Variants in LINGO2 observed in about 807,000 individuals in gnomAD.
The protein encoded by LINGO2 is leucine-rich repeat and immunoglobulin-like domain-containing nogo receptor-interacting protein 2.
Under a neutral mutation model 30.6 loss-of-function variants are expected in LINGO2, and 14 were observed. The observed-to-expected ratio is 0.46, with a 90% CI of 0.30 to 0.72. The LOEUF is 0.72. Among genes scored for constraint, LINGO2 ranks in the 30% least tolerant of loss-of-function variants. The probability of loss-of-function intolerance (pLI) is 0.07; values close to 1 mark genes in which losing one functional copy is unlikely to be tolerated. For synonymous variants in LINGO2, 317 were observed against 288.5 expected, an observed-to-expected ratio of 1.10 and a Z score of -1.00; for missense variants, 729 against 751.7, an observed-to-expected ratio of 0.97 and a Z score of 0.35.
chr9:28,462,234 T>C (rs1291628186), intron 2 of LINGO2, among the ~76,000 whole-genome samples: 3 of 152,018 alleles, frequency 2.0e-5, no homozygotes, highest in Admixed American at 6.6e-5. Context: ...TTATAATTGT[T>C]AGTAACTGTT....
chr9:28,385,093 G>A (rs1056339350), intron 2 of LINGO2, among the ~76,000 whole-genome samples: 4 of 152,168 alleles, frequency 2.6e-5, no homozygotes, highest in African/African-American at 9.7e-5. Context: ...GAGGGCACAA[G>A]AAAGGTGTAG....
chr9:28,581,701 C>T (rs1326563607), intron 1 of LINGO2, among the ~76,000 whole-genome samples: 1 of 151,752 alleles, frequency 6.6e-6, no homozygotes, highest in African/African-American at 2.4e-5. Flanking sequence ...AACACACACA[C>T]AAGAATGCAT....
At chr9:28,127,972 C>A (rs1827285815) in intron 4 of LINGO2, among the ~76,000 whole-genome samples, 1 of 152,288 alleles carries the variant, frequency 6.6e-6, no homozygotes, top group African/African-American at 2.4e-5. Flanking sequence ...TTCAGTCATG[C>A]AGCCTTTTCA....
At chr9:28,532,382 T>C (rs1821267603) in intron 1 of LINGO2, among the ~76,000 whole-genome samples, 1 of 152,138 alleles carries the variant, frequency 6.6e-6, no homozygotes, top group Non-Finnish European at 1.5e-5. Flanking sequence ...TTTTTTGTTG[T>C]TGTTAATATT....
Position 28,350,275 on chromosome 9 carries a change from C to T in LINGO2, c.-246+22561G>A, listed in dbSNP as rs559758529. 1.5e-3 allele frequency among the ~76,000 whole-genome samples: 218 copies of T among 141,646 alleles called. No individual in the cohort carries two copies. In the South Asian group the frequency reaches 0.016, roughly 10 times the overall value. 92.9% of individuals were successfully genotyped at this position (141,646 alleles called of 152,430 possible). Reference sequence around the variant, plus strand: ...AACCCATCTCACATGCAGAGACACACATAGGCTCAAAATAAAAGGATGGAG... The same window carrying T: ...AACCCATCTCACATGCAGAGACACATATAGGCTCAAAATAAAAGGATGGAG... On this transcript the variant is annotated intron_variant, in intron 3 of 5. Transcript: ENST00000379992.
intron 4 of LINGO2, among the ~76,000 whole-genome samples, chr9:28,039,792 G>A (rs34825581): frequency 1.3e-5 from 2 of 152,106 alleles, no homozygotes; most frequent in Non-Finnish European, 2.9e-5. Flanking sequence ...TTCCTTAATA[G>A]ACACAAATGC....
At chr9:29,126,063 T>G in the LINGO2 span, among the ~76,000 whole-genome samples, 2 of 152,180 alleles carry the variant, frequency 1.3e-5, no homozygotes, top group Non-Finnish European at 2.9e-5. Context: ...GGTACACCAT[T>G]ATTTTTGGAA....
chr9:28,026,332 G>A (rs988731188), intron 4 of LINGO2, among the ~76,000 whole-genome samples: 4 of 152,166 alleles, frequency 2.6e-5, no homozygotes, highest in African/African-American at 9.7e-5. Context: ...AGGCATAATA[G>A]ATATTAAATG....
At chr9:28,960,017 A>G in the LINGO2 span, among the ~76,000 whole-genome samples, 1 of 152,274 alleles carries the variant, frequency 6.6e-6, no homozygotes, top group East Asian at 1.9e-4. Flanking sequence ...TGGTGTTAAG[A>G]TTTTCAGCAT....
intron 4 of LINGO2, among the ~76,000 whole-genome samples, chr9:28,270,816 C>T (rs942949225): frequency 6.6e-6 from 1 of 152,034 alleles, no homozygotes; most frequent in African/African-American, 2.4e-5. Context: ...CAGGCATATC[C>T]TGTTTAAGTG....
the LINGO2 span, among the ~76,000 whole-genome samples, chr9:28,690,984 TAGATGG>T: frequency 2.0e-5 from 3 of 152,202 alleles, no homozygotes; most frequent in African/African-American, 2.4e-5. Flanking sequence ...GATGGTGTTG[TAGATGG>T]AGATGGAGAA....
At chr9:27,975,356 G>A (rs1275521493) in intron 5 of LINGO2, among the ~76,000 whole-genome samples, 1 of 151,710 alleles carries the variant, frequency 6.6e-6, no homozygotes, top group Non-Finnish European at 1.5e-5. Flanking sequence ...TGGAATAGTG[G>A]TAAATGCTTA....
At chr9:28,017,963 A>C (rs888466239) in intron 4 of LINGO2, among the ~76,000 whole-genome samples, 2 of 152,178 alleles carry the variant, frequency 1.3e-5, no homozygotes, top group Non-Finnish European at 2.9e-5. Context: ...CTATATTACA[A>C]ATCCATAGAG....
chr9:28,748,339 T>C, the LINGO2 span, among the ~76,000 whole-genome samples: 2 of 151,908 alleles, frequency 1.3e-5, no homozygotes, highest in East Asian at 1.9e-4. Context: ...TAAATTATAA[T>C]GATAAAAAGA....
Position 28,551,730 on chromosome 9 carries a change from G to A in LINGO2, c.-364-75705C>T, listed in dbSNP as rs963278103. On this transcript the variant is annotated intron_variant, in intron 1 of 5. Coordinates refer to ENST00000379992, the Ensembl canonical transcript of LINGO2. ...CTACTTCTTAATTTATTTGGATGGG[G>A]AAGGGATGATTTAGACACTGTATAT... Among the ~76,000 whole-genome samples, 6 of 152,106 alleles carry A rather than the reference G, an allele frequency of 3.9e-5. 1 individual carries two copies. The highest frequency in any genetic ancestry group is 4.1e-4 in the South Asian group (2 of 4,822).
At chr9:27,992,169 C>T (rs961451429) in intron 5 of LINGO2, among the ~76,000 whole-genome samples, 3 of 140,782 alleles carry the variant, frequency 2.1e-5, no homozygotes, top group Non-Finnish European at 4.4e-5. Context: ...CTGAAAATAC[C>T]CCTCCAGTCC....
the LINGO2 span, among the ~76,000 whole-genome samples, chr9:28,779,256 T>A: frequency 1.2e-3 from 187 of 152,308 alleles, no homozygotes; most frequent in Non-Finnish European, 2.1e-3. Flanking sequence ...CTAATATACA[T>A]TTCCATGATT....
At chr9:28,063,413 G>A (rs1825216444) in intron 4 of LINGO2, among the ~76,000 whole-genome samples, 1 of 145,298 alleles carries the variant, frequency 6.9e-6, no homozygotes. Context: ...GTGGTAGAAA[G>A]TAGGTCAATA....
At chr9:28,572,708 G>T (rs1190483952) in intron 1 of LINGO2, among the ~76,000 whole-genome samples, 1 of 151,920 alleles carries the variant, frequency 6.6e-6, no homozygotes, top group Non-Finnish European at 1.5e-5. Context: ...TATGTGAAGG[G>T]GTCTGACAGT....
Sources: gnomAD v4.1 joint callset for allele counts (sites outside exome capture counted in the v4.1 genomes callset) on GRCh38, gnomAD v4.1.1 for gene constraint, MANE v1.5 for transcripts, NCBI Gene and HGNC (gene_info 2026-07-23, HGNC 2026-07-21) for gene names.